INTS13: variants seen among roughly 807,000 people sequenced by gnomAD.
The protein encoded by INTS13 is asunder, spermatogenesis regulator homolog (Drosphila).
A neutral mutation model predicts 90.2 loss-of-function variants in INTS13; 35 were observed. That is an observed-to-expected ratio of 0.39 (90% CI 0.30 to 0.51). The LOEUF is 0.51. Among genes scored for constraint, INTS13 ranks in the 20% least tolerant of loss-of-function variants. The pLI is 0.80. For missense variants in INTS13, 601 were observed against 851.2 expected (o/e 0.71, Z 3.66); for synonymous variants, 309 against 277.1 (o/e 1.11, Z -1.14).
intron 8 of INTS13, among the ~76,000 whole-genome samples, chr12:26,922,065 C>A (rs1346110747): frequency 2.6e-5 from 4 of 152,328 alleles, no homozygotes; most frequent in East Asian, 1.9e-4. Flanking sequence ...GCCACTGTGT[C>A]CTGCCTGGGA....
In INTS13 at chr12:26,915,455, T is replaced by G. The variant is rs117036977; in HGVS notation, c.1248+547A>C. Reference sequence around the variant, plus strand: ...AAGTTACTTACAGTATATAACAGTTTGTGGTTTACAAAGCATATTCATATA... The same window carrying G: ...AAGTTACTTACAGTATATAACAGTTGGTGGTTTACAAAGCATATTCATATA... On this transcript the variant is annotated intron_variant, in intron 11 of 16. Coordinates refer to ENST00000261191, the MANE Select transcript of INTS13 (RefSeq NM_018164.3). 9.6e-3 allele frequency among the ~76,000 whole-genome samples: 1,456 copies of G among 152,290 alleles called. 8 individuals carry two copies. The highest frequency in any genetic ancestry group is 0.014 in the Admixed American group (210 of 15,294).
At chr12:26,922,258 T>C (rs1419132537) in intron 8 of INTS13, among the ~76,000 whole-genome samples, 2 of 152,208 alleles carry the variant, frequency 1.3e-5, no homozygotes, top group African/African-American at 4.8e-5. Flanking sequence ...ATGTAGGTAT[T>C]TTATCATCTC....
intron 7 of INTS13, 70 bp from the exon 8 acceptor site, chr12:26,922,770 T>C (rs1937656711): frequency 3.0e-6 from 3 of 1,002,334 alleles, no homozygotes; most frequent in Non-Finnish European, 4.3e-6. Context: ...TATTAATTAT[T>C]CATTTGCTTT....
intron 12 of INTS13, 38 bp downstream of exon 12, chr12:26,914,370 C>G (rs1156297412): frequency 6.4e-7 from 1 of 1,558,782 alleles, no homozygotes; most frequent in Admixed American, 2.0e-5. Flanking sequence ...GAATATATAA[C>G]TAATCTATAA....
chr12:26,908,436 C>T (rs763431983), intron 15 of INTS13, among the ~76,000 whole-genome samples: 4 of 151,924 alleles, frequency 2.6e-5, no homozygotes, highest in Non-Finnish European at 5.9e-5. Flanking sequence ...CAATAAAACA[C>T]ATAAAGGAGG....
chr12:26,922,572 C>T, intron 8 of INTS13, 44 bp downstream of exon 8: 1 of 1,438,802 alleles, frequency 7.0e-7, no homozygotes, highest in Non-Finnish European at 9.6e-7. Context: ...AATATGCTTT[C>T]ATATGTTAGA....
chr12:26,908,991 C>T lies in INTS13; in HGVS notation c.1945+2187G>A, dbSNP rs566527644. Among the ~76,000 whole-genome samples the T allele has an allele frequency of 2.6e-5, 4 of 152,270 alleles. No individual in the cohort carries two copies. In the East Asian group the frequency reaches 7.7e-4, roughly 29 times the overall value. On this transcript the variant is annotated intron_variant, in intron 15 of 16. Coordinates refer to ENST00000261191, the MANE Select transcript of INTS13 (RefSeq NM_018164.3). ...AAAACTTAAAATTGAGATCACAGTA[C>T]ATATGTTTATGTAACCTGCTTTAAA...
chr12:26,913,876 G>C (rs1232170759), intron 13 of INTS13, 98 bp downstream of exon 13: 7 of 1,204,858 alleles, frequency 5.8e-6, no homozygotes, highest in Non-Finnish European at 8.1e-6. Flanking sequence ...ATATAAACAT[G>C]TCCTCAAATA....
At position 26,924,135 on chromosome 12, in the gene INTS13, T is replaced by C. The variant is rs561385446; in HGVS notation, c.804+220A>G. ...GTAAAGGTTCAATTAAAATAAATAA[T>C]ACATGTCCAACAATTATTTATTTAT... is the stretch of plus-strand genomic sequence containing the variant. On this transcript the variant is annotated intron_variant, in intron 7 of 16. Transcript: ENST00000261191. Among the ~76,000 whole-genome samples the C allele has an allele frequency of 2.0e-5, 3 of 152,092 alleles. No homozygotes were observed. In the South Asian group the frequency reaches 6.2e-4, roughly 32 times the overall value.
intron 10 of INTS13, among the ~76,000 whole-genome samples, 196 bp downstream of exon 10, chr12:26,917,156 A>G (rs1376572881): frequency 2.0e-5 from 3 of 152,146 alleles, no homozygotes; most frequent in Admixed American, 2.0e-4. Flanking sequence ...AAATGTTAGT[A>G]AAAACTGTTA....
intron 15 of INTS13, among the ~76,000 whole-genome samples, chr12:26,906,745 G>A (rs937405983): frequency 1.3e-5 from 2 of 152,198 alleles, no homozygotes; most frequent in Non-Finnish European, 2.9e-5. Context: ...CAGCCAGATC[G>A]GTAAGCAGAA....
chr12:26,933,080 C>T (rs201063165), intron 3 of INTS13, among the ~76,000 whole-genome samples: 2 of 151,940 alleles, frequency 1.3e-5, no homozygotes, highest in Admixed American at 1.3e-4. Context: ...AAGGATATGA[C>T]AAAAACAGAC....
Position 26,908,181 on chromosome 12 carries a change from G to A in INTS13, c.1946-1744C>T, listed in dbSNP as rs1951666288. Among the ~76,000 whole-genome samples the A allele has an allele frequency of 2.0e-5, 3 of 152,192 alleles. No homozygotes were observed. In the South Asian group the frequency reaches 6.2e-4, roughly 32 times the overall value. ...AACATATCAGTAGTTACCAGGGATT[G>A]AGGAGGAGAGTGAAGGATGACTACA... On this transcript the variant is annotated intron_variant, in intron 15 of 16. Coordinates refer to ENST00000261191, the MANE Select transcript of INTS13 (RefSeq NM_018164.3).
At chr12:26,916,231 A>G (rs1951932320) in intron 10 of INTS13, 51 bp from the exon 11 acceptor site, 4 of 1,414,328 alleles carry the variant, frequency 2.8e-6, no homozygotes, top group Non-Finnish European at 2.9e-6. Flanking sequence ...ATGGGCTCTC[A>G]TTTATTTCCT....
chr12:26,926,329 C>T (rs1157044662), intron 5 of INTS13, among the ~76,000 whole-genome samples: 1 of 152,170 alleles, frequency 6.6e-6, no homozygotes, highest in Non-Finnish European at 1.5e-5. Flanking sequence ...AAGAAAAGTA[C>T]TATTCAATGA....
rs567024999 is a variant in INTS13 at position 26,926,652 on chromosome 12, G to T, written c.585-801C>A. Among the ~76,000 whole-genome samples the T allele has an allele frequency of 1.2e-4, 19 of 152,282 alleles. 1 individual carries two copies. The highest frequency in any genetic ancestry group is 4.3e-4 in the African/African-American group (18 of 41,560). The stretch of plus-strand genomic sequence containing the variant: ...TATTGGTCTCTGCTCATGCTTCCTG[G>T]CACAGAGCTCCCAAAATCCTTGTAA... On this transcript the variant is annotated intron_variant, in intron 5 of 16. Coordinates refer to ENST00000261191, the MANE Select transcript of INTS13 (RefSeq NM_018164.3).
intron 15 of INTS13, among the ~76,000 whole-genome samples, chr12:26,910,883 T>C (rs1040469605): frequency 1.3e-5 from 2 of 152,158 alleles, no homozygotes; most frequent in African/African-American, 4.8e-5. Flanking sequence ...TCGCCCAGGC[T>C]GAAGTGCAAT....
At position 26,917,844 on chromosome 12, in the gene INTS13, C is replaced by T. The variant is rs113645133; in HGVS notation, c.890-111G>A. The T allele has an allele frequency of 3.6e-4, 287 of 791,178 alleles. 3 individuals carry two copies. The African/African-American group carries it at 4.7e-3, about 13-fold the overall frequency. 49.0% of individuals were successfully genotyped at this position (791,178 alleles called of 1,614,324 possible). ...TTAATTTAAAAAATAATAAAAGCGG[C>T]CGGGTGCAGTGGCTCATGCCTGTAA... On this transcript the variant is annotated intron_variant, in intron 8 of 16. Coordinates refer to ENST00000261191, the MANE Select transcript of INTS13 (RefSeq NM_018164.3).
chr12:26,920,267 G>A (rs11048773), intron 8 of INTS13, among the ~76,000 whole-genome samples: 15,470 of 152,084 alleles, frequency 0.1, 1,056 homozygotes, highest in East Asian at 0.16. Context: ...AGCCTCCTCC[G>A]TGCTCCCACA....
Sources: gnomAD v4.1 joint callset for allele counts (sites outside exome capture counted in the v4.1 genomes callset) on GRCh38, gnomAD v4.1.1 for gene constraint, MANE v1.5 for transcripts, NCBI Gene and HGNC (gene_info 2026-07-23, HGNC 2026-07-21) for gene names.